Variants in ATRX observed in about 807,000 individuals in gnomAD.
ATRX encodes ATRX chromatin remodeler, also known as chromatin remodeler ATRX.
ATRX carries 12 observed loss-of-function variants against 172.6 expected under a neutral mutation model. That is an observed-to-expected ratio of 0.07 (90% confidence interval 0.04 to 0.11). The LOEUF (loss-of-function observed/expected upper bound fraction) is 0.11, where lower values mean the gene tolerates loss of function less well. Ranked by LOEUF, ATRX falls within the 10% of genes least tolerant of loss-of-function variation. The probability of loss-of-function intolerance (pLI) is 1.00; values close to 1 mark genes in which losing one functional copy is unlikely to be tolerated. For synonymous variants in ATRX, 674 were observed against 594.7 expected, an observed-to-expected ratio of 1.13 and a Z score of -1.94; for missense variants, 1,368 against 1,767.4, an observed-to-expected ratio of 0.77 and a Z score of 4.05.
chrX:77,572,905 C>A (rs1425521399), intron 28 of ATRX, among the ~76,000 whole-genome samples: 1 of 111,518 alleles, frequency 9.0e-6, no homozygotes, highest in African/African-American at 3.2e-5. Flanking sequence ...AAGCCTAGGT[C>A]TAGTTCATGA....
At chrX:77,742,038 G>C (rs1449816939) in intron 1 of ATRX, among the ~76,000 whole-genome samples, 4 of 110,991 alleles carry the variant, frequency 3.6e-5, no homozygotes, top group African/African-American at 1.3e-4. Flanking sequence ...TTTGGATATA[G>C]AGTTTTGTTG....
intron 1 of ATRX, among the ~76,000 whole-genome samples, chrX:77,733,124 C>G: frequency 9.0e-6 from 1 of 111,633 alleles, no homozygotes; most frequent in Non-Finnish European, 1.9e-5. Context: ...AGTGACCAAT[C>G]TGAAAAGCAA....
At chrX:77,670,401 T>C (rs551584371) in intron 10 of ATRX, among the ~76,000 whole-genome samples, 3 of 112,289 alleles carry the variant, frequency 2.7e-5, no homozygotes, top group African/African-American at 9.7e-5. Context: ...TTAAATATTT[T>C]AGTAGGGTGT....
intron 15 of ATRX, among the ~76,000 whole-genome samples, chrX:77,646,219 G>C (rs1557113559): frequency 9.0e-6 from 1 of 111,472 alleles, no homozygotes; most frequent in African/African-American, 3.3e-5. Flanking sequence ...TCTAAAAAAG[G>C]TTCGCTTTAG....
chrX:77,656,384 A>G (rs2069552124), intron 13 of ATRX, among the ~76,000 whole-genome samples, 176 bp downstream of exon 13: 1 of 112,099 alleles, frequency 8.9e-6, no homozygotes, highest in Non-Finnish European at 1.9e-5. Flanking sequence ...TAATTCAACT[A>G]CACATAAAAT....
chrX:77,653,093 T>C (rs2069356411), intron 14 of ATRX, among the ~76,000 whole-genome samples: 1 of 110,149 alleles, frequency 9.1e-6, no homozygotes, highest in African/African-American at 3.3e-5. Context: ...TCTTGGTACA[T>C]TGCTAACGGG....
chrX:77,626,591 T>C (rs782675921), intron 19 of ATRX, among the ~76,000 whole-genome samples: 18 of 111,279 alleles, frequency 1.6e-4, no homozygotes, highest in Admixed American at 1.3e-3. Context: ...TAACCATGAG[T>C]CTAATGGATT....
chrX:77,555,188 T>C (rs1557058316), intron 30 of ATRX, among the ~76,000 whole-genome samples: 1 of 111,025 alleles, frequency 9.0e-6, no homozygotes, highest in African/African-American at 3.3e-5. Context: ...AGAATAATGA[T>C]CATTAAATAA....
intron 1 of ATRX, among the ~76,000 whole-genome samples, chrX:77,725,233 T>G (rs781815860): frequency 8.9e-6 from 1 of 111,867 alleles, no homozygotes; most frequent in East Asian, 2.8e-4. Flanking sequence ...ACTACAAGGC[T>G]ACAGTAACCA....
At chrX:77,588,061 A>G (rs1309114132) in intron 27 of ATRX, among the ~76,000 whole-genome samples, 1 of 112,501 alleles carries the variant, frequency 8.9e-6, no homozygotes, top group Non-Finnish European at 1.9e-5. Context: ...ATAGTGCAGT[A>G]TTAGCACAGC....
chrX:77,760,657 G>T (rs782649349), intron 1 of ATRX, among the ~76,000 whole-genome samples: 28 of 110,888 alleles, frequency 2.5e-4, no homozygotes, highest in African/African-American at 8.5e-4. Flanking sequence ...TCTAAATAAG[G>T]TTTATGTATA....
At chrX:77,662,713 G>C (rs1557123470) in intron 12 of ATRX, among the ~76,000 whole-genome samples, 1 of 110,165 alleles carries the variant, frequency 9.1e-6, no homozygotes, top group African/African-American at 3.3e-5. Context: ...TTTTCTTGGA[G>C]AAAGAGTCTC....
intron 15 of ATRX, among the ~76,000 whole-genome samples, chrX:77,650,898 A>G (rs546367291): frequency 3.6e-5 from 4 of 111,988 alleles, no homozygotes; most frequent in African/African-American, 9.7e-5. Context: ...CATACCAACT[A>G]TTTTTTAAAA....
At position 77,681,815 on chromosome X, in the gene ATRX, C is replaced by T. The variant is rs1557137396; in HGVS notation, c.3441G>A (p.Lys1147=). ...ATGATGATGAGCCACTTTGTATTTCCTTAGTATTTCTCTTTGAACTTAAAT... is the reference window on the plus strand; with the variant it reads ...ATGATGATGAGCCACTTTGTATTTCTTTAGTATTTCTCTTTGAACTTAAAT... ...RRNLSSKRNT[K]EIQSGSSSSD... is the part of the protein sequence containing the mutation. The change falls in exon 9 of 35, where the codon AAG becomes AAA. Residue 1147 remains lysine, a synonymous_variant. Coordinates refer to ENST00000373344, the MANE Select transcript of ATRX (RefSeq NM_000489.6). The T allele has an allele frequency of 8.3e-7, 1 of 1,198,646 alleles. No individual in the cohort carries two copies. The highest frequency in any genetic ancestry group is 1.1e-6 in the Non-Finnish European group (1 of 890,845).
intron 15 of ATRX, among the ~76,000 whole-genome samples, chrX:77,639,215 G>A (rs1557109922): frequency 9.0e-6 from 1 of 111,674 alleles, no homozygotes; most frequent in Non-Finnish European, 1.9e-5. Context: ...CTAATAAGCT[G>A]ACTCTGATTT....
intron 1 of ATRX, among the ~76,000 whole-genome samples, chrX:77,741,211 T>C (rs1043756937): frequency 9.0e-6 from 1 of 111,254 alleles, no homozygotes; most frequent in Non-Finnish European, 1.9e-5. Context: ...AGACTTTGTC[T>C]CAAAAAATTT....
intron 30 of ATRX, among the ~76,000 whole-genome samples, chrX:77,547,340 T>C (rs1164162575): frequency 9.0e-6 from 1 of 111,716 alleles, no homozygotes; most frequent in Non-Finnish European, 1.9e-5. Context: ...TGGACAATTA[T>C]TTATAAGACA....
Position 77,633,775 on chromosome X carries a change from A to C in ATRX, c.4810-63T>G. ...CACAAAAAAATTTAATAAATTAAGC[A>C]ATCTTACAATATTATAGCTTTGTTT... is the stretch of plus-strand genomic sequence containing the variant. On this transcript the variant is annotated intron_variant, in intron 17 of 34. Transcript: ENST00000373344. The C allele has an allele frequency of 2.8e-6, 3 of 1,083,891 alleles. No homozygotes were observed. In the African/African-American group the frequency reaches 5.5e-5, roughly 20 times the overall value. 89.3% of individuals were successfully genotyped at this position (1,083,891 alleles called of 1,213,427 possible). A position where few individuals can be genotyped will look rare whatever the true frequency, so the allele number is the denominator to read the frequency against.
At position 77,682,589 on chromosome X, in the gene ATRX, A is replaced by C. The variant is rs2071281694; in HGVS notation, c.2667T>G (p.Ser889=). 1 of 1,209,116 alleles carries C rather than the reference A, an allele frequency of 8.3e-7. No individual in the cohort carries two copies. The highest frequency in any genetic ancestry group is 1.1e-6 in the Non-Finnish European group (1 of 895,017). The change falls in exon 9 of 35, where the codon TCT becomes TCG. Residue 889 remains serine, a synonymous_variant. Transcript: ENST00000373344. ...AERKQERETF[S]SAEGTVDKDT... Reference sequence around the variant, plus strand: ...CTTTATCAACTGTGCCTTCTGCTGAAGAGAAAGTCTCTCTCTCTTGTTTTC... The same window carrying C: ...CTTTATCAACTGTGCCTTCTGCTGACGAGAAAGTCTCTCTCTCTTGTTTTC...
Sources: gnomAD v4.1 joint callset for allele counts (sites outside exome capture counted in the v4.1 genomes callset) on GRCh38, gnomAD v4.1.1 for gene constraint, MANE v1.5 for transcripts, NCBI Gene and HGNC (gene_info 2026-07-23, HGNC 2026-07-21) for gene names.